The following PTCH1 variants were observed in gnomAD, a reference collection of about 807,000 sequenced individuals.
PTCH1 encodes protein patched homolog 1.
A neutral mutation model predicts 144.6 loss-of-function variants in PTCH1; 14 were observed. The observed-to-expected ratio is 0.10, with a 90% confidence interval of 0.06 to 0.15. The LOEUF is 0.15. Among genes scored for constraint, PTCH1 ranks in the 10% least tolerant of loss-of-function variants. The pLI is 1.00. For synonymous variants in PTCH1, 833 were observed against 793.6 expected (o/e 1.05, Z -0.83); for missense variants, 1,623 against 1,948.3 (o/e 0.83, Z 3.14).
At chr9:95,459,355 T>C (rs1185848412) in intron 17 of PTCH1, among the ~76,000 whole-genome samples, 1 of 152,250 alleles carries the variant, frequency 6.6e-6, no homozygotes, top group Non-Finnish European at 1.5e-5. Context: ...CAACGCCTAA[T>C]GAACGTCTTA....
At chr9:95,487,714 C>A (rs1842077366) in intron 2 of PTCH1, among the ~76,000 whole-genome samples, 2 of 152,212 alleles carry the variant, frequency 1.3e-5, no homozygotes, top group African/African-American at 4.8e-5. Flanking sequence ...TCTAATGCCA[C>A]AAACCCAGAA....
chr9:95,458,334 G>A lies in PTCH1; in HGVS notation c.2888-41C>T, dbSNP rs1481908819. The stretch of plus-strand genomic sequence containing the variant: ...CACAGGTTAGGAGCAGCCCAGGGTA[G>A]AAGAGCATCACAGTTTCAATGGAAA... On this transcript the variant is annotated intron_variant, in intron 17 of 23. Transcript: ENST00000331920. The surrounding 1 kb of genome is among the most constrained non-coding windows in gnomAD (Gnocchi z 4.7). The A allele has an allele frequency of 6.2e-7, 1 of 1,604,112 alleles. No individual in the cohort carries two copies. Among genetic ancestry groups the A allele is most frequent in the Non-Finnish European group, 8.5e-7 (1 of 1,174,956 alleles).
rs766315655 is a variant in PTCH1 at position 95,447,222 on chromosome 9, C to T, written c.4034G>A (p.Arg1345His). Residue 1345 changes from arginine (R) to histidine (H), a missense_variant, in exon 23 of 24, where the codon CGT becomes CAT. Arg to His is a conservative substitution (Grantham distance 29). Transcript: ENST00000331920. ...NRARWGPRGA[R>H]SHNPRNPAST... ...CGCTGGGTTCCGAGGGTTGTGAGAACGGGCCCCGCGAGGGCCCCAGCGGGC... is the reference window on the plus strand; with the variant it reads ...CGCTGGGTTCCGAGGGTTGTGAGAATGGGCCCCGCGAGGGCCCCAGCGGGC... 3.7e-5 allele frequency: 59 copies of T among 1,611,438 alleles called. No individual in the cohort carries two copies. Among genetic ancestry groups the T allele is most frequent in the South Asian group, 7.7e-5 (7 of 91,076 alleles).
At chr9:95,497,995 CTG>C (rs1199969144) in intron 2 of PTCH1, among the ~76,000 whole-genome samples, 1 of 148,028 alleles carries the variant, frequency 6.8e-6, no homozygotes, top group African/African-American at 2.5e-5. Context: ...CAATACTTGA[CTG>C]TGTAATACAT....
intron 20 of PTCH1, chr9:95,453,240 C>T: frequency 3.9e-6 from 2 of 506,724 alleles, no homozygotes; most frequent in South Asian, 1.9e-5. Flanking sequence ...TCGAGCAATT[C>T]TCTGCCTCAG....
intron 2 of PTCH1, among the ~76,000 whole-genome samples, chr9:95,491,129 G>C (rs1369234829): frequency 6.6e-6 from 1 of 152,136 alleles, no homozygotes; most frequent in Non-Finnish European, 1.5e-5. Flanking sequence ...CATTATCTCA[G>C]GATCCTGAGA....
chr9:95,477,379 A>G (rs1207631043), intron 10 of PTCH1, among the ~76,000 whole-genome samples, 168 bp downstream of exon 10: 2 of 152,216 alleles, frequency 1.3e-5, no homozygotes, highest in Non-Finnish European at 2.9e-5. Context: ...CTGAGGGCGG[A>G]CAGCATCAAG....
At chr9:95,516,949 G>T in exon 1 of PTCH1, 1 of 735,206 alleles carries the variant, frequency 1.4e-6, no homozygotes, top group Non-Finnish European at 2.1e-6. Context: ...CGTGCTATCA[G>T]CACAGCCCTC....
rs949112044 is a variant in PTCH1, at chr9:95,503,745, G to A, written c.394+2662C>T. ...ATAAAAACAAAATAGGGCCGGGCGC[G>A]GTGGCTCACGCCTGTAATCCCAGCA... On this transcript the variant is annotated intron_variant, in intron 2 of 23. Transcript: ENST00000331920. Among the ~76,000 whole-genome samples, 2 of 58,026 alleles carry A rather than the reference G, an allele frequency of 3.4e-5. 1 individual carries two copies. Among genetic ancestry groups the A allele is most frequent in the South Asian group, 6.6e-4 (2 of 3,034 alleles). 38.1% of individuals were successfully genotyped at this position (58,026 alleles called of 152,430 possible).
intron 22 of PTCH1, 62 bp from the exon 23 acceptor site, chr9:95,447,513 TC>T: frequency 6.9e-7 from 1 of 1,451,620 alleles, no homozygotes; most frequent in Non-Finnish European, 9.2e-7. Context: ...TCCCCGCAGC[TC>T]CCACACTTCC....
intron 19 of PTCH1, among the ~76,000 whole-genome samples, chr9:95,454,173 C>T (rs539441799): frequency 1.2e-4 from 18 of 152,354 alleles, no homozygotes; most frequent in Admixed American, 8.5e-4. Flanking sequence ...CCCTTCTGAA[C>T]ATTGTGTGGA....
chr9:95,453,139 A>ATT (rs746766521), intron 20 of PTCH1: 51 of 302,886 alleles, frequency 1.7e-4, no homozygotes, highest in Non-Finnish European at 2.7e-4. Context: ...TAATAACAAT[A>ATT]TTTTTTTTTT....
intron 1 of PTCH1, 91 bp downstream of exon 1, chr9:95,508,070 G>A (rs973487687): frequency 1.0e-4 from 164 of 1,577,638 alleles, no homozygotes; most frequent in Admixed American, 1.3e-4. Flanking sequence ...AGAGAGAGAG[G>A]AAGAGAGTGT....
At chr9:95,477,875 C>T (rs1224180798) in intron 9 of PTCH1, among the ~76,000 whole-genome samples, 173 bp from the exon 10 acceptor site, 1 of 152,182 alleles carries the variant, frequency 6.6e-6, no homozygotes, top group East Asian at 1.9e-4. Context: ...GGTAGGCAAA[C>T]GGCAAATGGG....
In PTCH1 at chr9:95,485,726, C is replaced by T. The variant is rs1461606997; in HGVS notation, c.543G>A (p.Ser181=). The T allele has an allele frequency of 2.9e-5, 47 of 1,614,016 alleles. No individual in the cohort carries two copies. The highest frequency in any genetic ancestry group is 4.0e-5 in the African/African-American group (3 of 74,906). ...TTEALLQHLD[S]ALQASRVHVY... ...CATGGACACGGCTGGCCTGGAGTGC[C>T]GAGTCCAGGTGTTGTAGGAGCGCTT... The change falls in exon 3 of 24, where the codon TCG becomes TCA. Residue 181 remains serine (S), a synonymous_variant. Transcript: ENST00000331920.
intron 3 of PTCH1, 37 bp from the exon 4 acceptor site, chr9:95,482,240 T>G: frequency 6.3e-7 from 1 of 1,586,252 alleles, no homozygotes; most frequent in Middle Eastern, 1.7e-4. Flanking sequence ...AATTTCTCAC[T>G]GTAATAAGAA....
At chr9:95,511,523 G>A (rs1367094946), upstream of PTCH1, among the ~76,000 whole-genome samples, 1 of 152,206 alleles carries the variant, frequency 6.6e-6, no homozygotes, top group Non-Finnish European at 1.5e-5. Context: ...TGAGCACCGG[G>A]CCAGCGCGGA....
At chr9:95,501,472 G>A (rs1843146187) in intron 2 of PTCH1, among the ~76,000 whole-genome samples, 1 of 151,640 alleles carries the variant, frequency 6.6e-6, no homozygotes, top group Non-Finnish European at 1.5e-5. Flanking sequence ...CACTAGCAAG[G>A]TACAAACTTG....
At chr9:95,477,971 A>G in intron 9 of PTCH1, 84 bp downstream of exon 9, 1 of 1,599,210 alleles carries the variant, frequency 6.3e-7, no homozygotes, top group Non-Finnish European at 8.6e-7. Flanking sequence ...AGAGCAGTTA[A>G]GAAGCAGGAG....
Sources: allele counts gnomAD v4.1 joint callset (sites outside exome capture counted in the v4.1 genomes callset), GRCh38; gene constraint gnomAD v4.1.1; non-coding constraint Gnocchi (gnomAD v3.1); transcripts MANE v1.5; gene names NCBI Gene and HGNC (gene_info 2026-07-23, HGNC 2026-07-21).